The following DAB1 variants were observed in gnomAD, a reference collection of about 807,000 sequenced individuals.
The protein encoded by DAB1 is disabled homolog 1.
A neutral mutation model predicts 64.6 loss-of-function variants in DAB1; 15 were observed. The ratio of observed to expected loss-of-function variants is 0.23; its 90% confidence interval spans 0.16 to 0.36. DAB1 has a LOEUF of 0.36. Ranked by LOEUF, DAB1 falls within the 10% of genes least tolerant of loss-of-function variation. The pLI is 1.00. For missense variants in DAB1, 596 were observed against 706.7 expected, an observed-to-expected ratio of 0.84 and a Z score of 1.78; for synonymous variants, 235 against 251.9, an observed-to-expected ratio of 0.93 and a Z score of 0.64.
In DAB1 at chr1:58,149,278, T is replaced by C. The variant is rs1397963764; in HGVS notation, n.387+1233A>G. ...ACAAGAGATTCTAATAGGGATGGCCTCCAAGAAGGAGGAAGAACATAAGTG... is the reference window on the plus strand; with the variant it reads ...ACAAGAGATTCTAATAGGGATGGCCCCCAAGAAGGAGGAAGAACATAAGTG... On this transcript the variant is annotated intron_variant and non_coding_transcript_variant, in intron 5 of 20. Coordinates refer to the DAB1 transcript ENST00000485760. Among the ~76,000 whole-genome samples, 3 of 152,130 alleles carry C rather than the reference T, an allele frequency of 2.0e-5. No homozygotes were observed. The East Asian group carries it at 5.8e-4, about 29-fold the overall frequency.
intron 1 of DAB1, among the ~76,000 whole-genome samples, chr1:57,403,304 T>A (rs1683391104): frequency 6.6e-6 from 1 of 152,208 alleles, no homozygotes; most frequent in African/African-American, 2.4e-5. Context: ...TGAGCCTGGA[T>A]CGCTGGTGGC....
chr1:57,742,195 T>C (rs1194136545), intron 6 of DAB1, among the ~76,000 whole-genome samples: 1 of 152,162 alleles, frequency 6.6e-6, no homozygotes, highest in East Asian at 1.9e-4. Flanking sequence ...ACTCAGAACA[T>C]TAGCCTAGGA....
chr1:57,010,783 C>G lies in DAB1; in HGVS notation c.1580G>C (p.Gly527Ala). 4 of 1,571,804 alleles carry G rather than the reference C, an allele frequency of 2.5e-6. No homozygotes were observed. Among genetic ancestry groups the G allele is most frequent in the Non-Finnish European group, 3.5e-6 (4 of 1,158,186 alleles). Residue 527 changes from glycine to alanine, a missense_variant, in exon 14 of 15, where the codon GGA becomes GCA. Coordinates refer to ENST00000371236, the MANE Select transcript of DAB1 (RefSeq NM_001365792.1). ...ATCACTGTTGGATGAGGCCTGTGAT[C>G]CATCAGGCTAGAACACAAGAAGATA... Reference protein sequence around the residue: ...SKSEEQEAPDGSQASSNSDPF... With the variant: ...SKSEEQEAPDASQASSNSDPF...
chr1:57,632,268 C>T (rs1210085254), intron 7 of DAB1, among the ~76,000 whole-genome samples: 1 of 152,166 alleles, frequency 6.6e-6, no homozygotes, highest in Admixed American at 6.5e-5. Flanking sequence ...GAGTACTACT[C>T]TAGTATACAT....
intron 4 of DAB1, among the ~76,000 whole-genome samples, chr1:58,159,288 G>A (rs1259089051): frequency 6.6e-6 from 1 of 152,164 alleles, no homozygotes. Context: ...CAAGTCAACA[G>A]ATAAGAAGGA....
intron 6 of DAB1, among the ~76,000 whole-genome samples, chr1:57,749,384 G>A (rs1421220336): frequency 2.0e-5 from 3 of 152,162 alleles, no homozygotes; most frequent in Non-Finnish European, 4.4e-5. Context: ...TTACCAGTCT[G>A]TAAGAATGTG....
chr1:57,081,352 C>G (rs1652539564), intron 4 of DAB1, among the ~76,000 whole-genome samples: 1 of 152,162 alleles, frequency 6.6e-6, no homozygotes, highest in Non-Finnish European at 1.5e-5. Flanking sequence ...ATTTAGTGTT[C>G]AAGCACCAAC....
intron 4 of DAB1, among the ~76,000 whole-genome samples, chr1:58,155,077 A>T (rs1316143447): frequency 6.6e-6 from 1 of 152,188 alleles, no homozygotes; most frequent in African/African-American, 2.4e-5. Context: ...GTCTCAGCTC[A>T]GAAGAGGGCC....
At chr1:57,573,391 C>T (rs182755514) in intron 7 of DAB1, among the ~76,000 whole-genome samples, 4 of 152,290 alleles carry the variant, frequency 2.6e-5, no homozygotes, top group African/African-American at 7.2e-5. Flanking sequence ...CATGCCTGAC[C>T]TCATTATAAT....
chr1:57,643,308 A>T (rs1646153598), intron 7 of DAB1, among the ~76,000 whole-genome samples: 2 of 152,132 alleles, frequency 1.3e-5, no homozygotes, highest in Admixed American at 6.5e-5. Context: ...CTTTGAATGG[A>T]TAGTTATATG....
chr1:57,365,503 C>T (rs892351382), intron 1 of DAB1, among the ~76,000 whole-genome samples: 7 of 150,682 alleles, frequency 4.6e-5, no homozygotes, highest in Non-Finnish European at 7.4e-5. Flanking sequence ...GTCTAAAGGG[C>T]CCTAATATTT....
chr1:57,216,617 G>A (rs1569926577), intron 2 of DAB1, among the ~76,000 whole-genome samples: 1 of 152,268 alleles, frequency 6.6e-6, no homozygotes, highest in South Asian at 2.1e-4. Flanking sequence ...CTGTAATCTA[G>A]TTTAGAAGAA....
At chr1:57,373,798 C>T (rs1335005375) in intron 1 of DAB1, among the ~76,000 whole-genome samples, 3 of 152,160 alleles carry the variant, frequency 2.0e-5, no homozygotes, top group African/African-American at 7.2e-5. Context: ...AGAACATAAT[C>T]GCCGGGTTCT....
chr1:57,405,777 G>T (rs1683587623), intron 1 of DAB1, among the ~76,000 whole-genome samples: 1 of 152,104 alleles, frequency 6.6e-6, no homozygotes, highest in Admixed American at 6.6e-5. Flanking sequence ...GACACCTGAA[G>T]GATCATTAAA....
At chr1:57,629,649 C>T (rs913842960) in intron 7 of DAB1, among the ~76,000 whole-genome samples, 3 of 151,342 alleles carry the variant, frequency 2.0e-5, no homozygotes, top group African/African-American at 7.3e-5. Flanking sequence ...TGGAGAAACT[C>T]ATGTCAAGAG....
chr1:57,869,877 T>A (rs938545291), intron 1 of DAB1, among the ~76,000 whole-genome samples: 2 of 152,134 alleles, frequency 1.3e-5, no homozygotes, highest in South Asian at 4.1e-4. Context: ...ATAACTATCA[T>A]AACATGTTCA....
At chr1:57,374,977 T>G (rs1003611429) in intron 1 of DAB1, among the ~76,000 whole-genome samples, 1 of 152,094 alleles carries the variant, frequency 6.6e-6, no homozygotes, top group Non-Finnish European at 1.5e-5. Context: ...CCTGCCATTC[T>G]GTCCCAGGAT....
rs557402048 is a variant in DAB1 at position 57,984,184 on chromosome 1, A to AAAAGAAAGAAAG, written n.388-100034_388-100023dup. On this transcript the variant is annotated intron_variant and non_coding_transcript_variant, in intron 5 of 20. Coordinates refer to the DAB1 transcript ENST00000485760. ...TTCAGGGCCCAGGACTAGCTTAAAA[A>AAAAGAAAGAAAG]AAAGAAAGAAAGAAAGAAAGAAAGA... Among the ~76,000 whole-genome samples, 448 of 50,548 alleles carry AAAAGAAAGAAAG rather than the reference A, an allele frequency of 8.9e-3. 15 individuals carry two copies. Among genetic ancestry groups the AAAAGAAAGAAAG allele is most frequent in the Middle Eastern group, 0.023 (2 of 88 alleles). The allele number at this position is 50,548 out of a possible 152,430, so 33.2% of individuals were successfully genotyped here. A position where few individuals can be genotyped will look rare whatever the true frequency, so the allele number is the denominator to read the frequency against.
At chr1:57,358,049 TAG>T (rs1295260933) in intron 1 of DAB1, among the ~76,000 whole-genome samples, 1 of 152,048 alleles carries the variant, frequency 6.6e-6, no homozygotes, top group Non-Finnish European at 1.5e-5. Context: ...AGTTTTTTGG[TAG>T]AGTCTTTAGG....
Sources: allele counts gnomAD v4.1 joint callset (sites outside exome capture counted in the v4.1 genomes callset), GRCh38; gene constraint gnomAD v4.1.1; transcripts MANE v1.5; gene names NCBI Gene and HGNC (gene_info 2026-07-23, HGNC 2026-07-21).